Variants in OXR1 observed in about 807,000 individuals in gnomAD.
OXR1 encodes oxidation resistance 1.
A neutral mutation model predicts 104.6 loss-of-function variants in OXR1; 41 were observed. The observed-to-expected ratio is 0.39, with a 90% CI of 0.31 to 0.51. OXR1 has a LOEUF of 0.51. OXR1 is among the 20% of genes least tolerant of loss of function. OXR1 has a pLI of 0.77. For synonymous variants in OXR1, 348 were observed against 348.4 expected (o/e 1.00, Z 0.01); for missense variants, 955 against 1,031.9 (o/e 0.93, Z 1.02).
At chr8:106,332,791 T>C (rs1248101458) in intron 1 of OXR1, among the ~76,000 whole-genome samples, 1 of 152,156 alleles carries the variant, frequency 6.6e-6, no homozygotes, top group Non-Finnish European at 1.5e-5. Context: ...CCTTCTTTTC[T>C]AGCCCCTGGA....
chr8:106,747,240 T>C (rs190923137), intron 16 of OXR1, among the ~76,000 whole-genome samples: 10 of 152,340 alleles, frequency 6.6e-5, no homozygotes, highest in Admixed American at 5.2e-4. Context: ...ATCTAAACTT[T>C]CCTTAGCTAT....
chr8:106,487,239 G>A (rs747652625), intron 2 of OXR1, among the ~76,000 whole-genome samples: 32 of 151,398 alleles, frequency 2.1e-4, no homozygotes, highest in Non-Finnish European at 4.1e-4. Flanking sequence ...GGCCAGGCTA[G>A]TCTCGAACTC....
chr8:106,329,856 A>G (rs2130218935), intron 1 of OXR1, among the ~76,000 whole-genome samples: 1 of 152,094 alleles, frequency 6.6e-6, no homozygotes, highest in Non-Finnish European at 1.5e-5. Context: ...TTCATCACCT[A>G]TAATGGGGAA....
intron 11 of OXR1, among the ~76,000 whole-genome samples, chr8:106,730,684 CA>C (rs998270814): frequency 6.6e-6 from 1 of 152,044 alleles, no homozygotes; most frequent in Non-Finnish European, 1.5e-5. Flanking sequence ...GAAACTGTTA[CA>C]AACTTTTAGA....
At chr8:106,549,437 A>G (rs1385507280) in intron 3 of OXR1, among the ~76,000 whole-genome samples, 1 of 152,210 alleles carries the variant, frequency 6.6e-6, no homozygotes, top group Non-Finnish European at 1.5e-5. Flanking sequence ...TATGAACACA[A>G]TTTAGAAACT....
In OXR1 at chr8:106,577,394, T is replaced by A. The variant is rs901061501; in HGVS notation, c.220+58255T>A. ...CCCAGCTAACTTTTTTTTTTTTTTT[T>A]TTTTTTTTTTTTGAGACAGAGTCTC... On this transcript the variant is annotated intron_variant, in intron 3 of 16. Coordinates refer to ENST00000517566, the MANE Select transcript of OXR1 (RefSeq NM_001198533.2). Among the ~76,000 whole-genome samples, 4 of 135,614 alleles carry A rather than the reference T, an allele frequency of 2.9e-5. 1 individual carries two copies. Among genetic ancestry groups the A allele is most frequent in the African/African-American group, 1.1e-4 (4 of 36,224 alleles). The allele number at this position is 135,614 out of a possible 152,430, so 89.0% of individuals were successfully genotyped here.
intron 2 of OXR1, among the ~76,000 whole-genome samples, chr8:106,407,854 C>A (rs1455694499): frequency 6.6e-6 from 1 of 152,104 alleles, no homozygotes; most frequent in East Asian, 1.9e-4. Context: ...TCTTGCTCAC[C>A]CTTCAAAATT....
intron 1 of OXR1, among the ~76,000 whole-genome samples, chr8:106,321,859 T>A (rs2130181914): frequency 6.6e-6 from 1 of 152,326 alleles, no homozygotes; most frequent in South Asian, 2.1e-4. Context: ...TATGAACCTT[T>A]TGCTGAGGAG....
At chr8:106,451,324 A>T (rs1391988150) in intron 2 of OXR1, among the ~76,000 whole-genome samples, 2 of 152,196 alleles carry the variant, frequency 1.3e-5, no homozygotes, top group African/African-American at 4.8e-5. Context: ...AAGCATATAT[A>T]CTGGCTCTAA....
At chr8:106,363,393 T>C (rs1466949243) in intron 2 of OXR1, among the ~76,000 whole-genome samples, 1 of 152,210 alleles carries the variant, frequency 6.6e-6, no homozygotes, top group Non-Finnish European at 1.5e-5. Context: ...GAAATACAAA[T>C]ACACCTCTTG....
intron 1 of OXR1, among the ~76,000 whole-genome samples, chr8:106,335,626 A>G (rs561573765): frequency 6.6e-6 from 1 of 152,270 alleles, no homozygotes; most frequent in South Asian, 2.1e-4. Context: ...TGAAGAAAAA[A>G]TAAAAAAAAT....
chr8:106,408,785 A>C (rs1818345331), intron 2 of OXR1, among the ~76,000 whole-genome samples: 1 of 152,206 alleles, frequency 6.6e-6, no homozygotes, highest in Non-Finnish European at 1.5e-5. Context: ...GCAGTGTAAG[A>C]GCAGCTAGGT....
chr8:106,353,399 A>G (rs1021098416), intron 1 of OXR1, among the ~76,000 whole-genome samples: 10 of 150,490 alleles, frequency 6.6e-5, no homozygotes, highest in Non-Finnish European at 1.0e-4. Flanking sequence ...TAATTTAACT[A>G]TATAGACAAT....
At chr8:106,697,709 G>A (rs996177384) in intron 7 of OXR1, 158 of 1,613,912 alleles carry the variant, frequency 9.8e-5, no homozygotes, top group Non-Finnish European at 1.2e-4. Flanking sequence ...ATGCCATAGC[G>A]CTCAGCTGCT....
intron 2 of OXR1, among the ~76,000 whole-genome samples, chr8:106,498,823 A>G (rs894970164): frequency 5.9e-5 from 9 of 152,222 alleles, no homozygotes; most frequent in African/African-American, 1.9e-4. Context: ...TCATCGTCTT[A>G]TATAACAAGG....
chr8:106,528,678 C>A (rs142227681), intron 3 of OXR1, among the ~76,000 whole-genome samples: 1 of 152,050 alleles, frequency 6.6e-6, no homozygotes. Flanking sequence ...AAAAAGATAA[C>A]CCTAAAGTAA....
intron 2 of OXR1, among the ~76,000 whole-genome samples, chr8:106,412,472 T>G (rs1033182721): frequency 1.3e-5 from 2 of 152,156 alleles, no homozygotes; most frequent in Non-Finnish European, 2.9e-5. Context: ...TGCCAACTTA[T>G]AGCATTAGAA....
At chr8:106,501,103 ATCT>A (rs1375506864) in intron 2 of OXR1, among the ~76,000 whole-genome samples, 1 of 152,180 alleles carries the variant, frequency 6.6e-6, no homozygotes, top group Non-Finnish European at 1.5e-5. Flanking sequence ...AAGCAGAAAA[ATCT>A]TCTTGTACAA....
intron 3 of OXR1, among the ~76,000 whole-genome samples, chr8:106,640,234 A>C (rs1823510957): frequency 6.6e-6 from 1 of 151,992 alleles, no homozygotes; most frequent in Non-Finnish European, 1.5e-5. Flanking sequence ...AAGACCTACT[A>C]TATCATACAA....
Sources: gnomAD v4.1 joint callset for allele counts (sites outside exome capture counted in the v4.1 genomes callset) on GRCh38, gnomAD v4.1.1 for gene constraint, MANE v1.5 for transcripts, NCBI Gene and HGNC (gene_info 2026-07-23, HGNC 2026-07-21) for gene names.